The following CNTNAP2 variants were observed in gnomAD, a reference collection of about 807,000 sequenced individuals.
CNTNAP2 encodes contactin associated protein 2, also known as contactin-associated protein-like 2.
In CNTNAP2, 98 loss-of-function variants were observed where a neutral mutation model predicts 155.2. The observed-to-expected ratio is 0.63, with a 90% CI of 0.54 to 0.75. CNTNAP2 has a LOEUF of 0.75. CNTNAP2 is among the 30% of genes least tolerant of loss of function. CNTNAP2 has a pLI of 0.00. For missense variants in CNTNAP2, 1,727 were observed against 1,688.1 expected (o/e 1.02, Z -0.40); for synonymous variants, 651 against 631.2 (o/e 1.03, Z -0.47).
chr7:146,966,153 TC>T (rs1334326471), intron 3 of CNTNAP2, among the ~76,000 whole-genome samples: 1 of 152,232 alleles, frequency 6.6e-6, no homozygotes, highest in Non-Finnish European at 1.5e-5. Context: ...GTACGCAACT[TC>T]TACTTTAAGC....
At chr7:146,379,875 A>G (rs749979307) in intron 1 of CNTNAP2, among the ~76,000 whole-genome samples, 3 of 152,224 alleles carry the variant, frequency 2.0e-5, no homozygotes, top group African/African-American at 4.8e-5. Context: ...AGACACTTCC[A>G]TAACAGAATT....
At chr7:147,968,371 A>G (rs530802651) in intron 14 of CNTNAP2, among the ~76,000 whole-genome samples, 3 of 152,358 alleles carry the variant, frequency 2.0e-5, no homozygotes, top group African/African-American at 4.8e-5. Flanking sequence ...ATAGGCATGG[A>G]TTCTAAAGAT....
chr7:147,224,318 T>G (rs1803474675), intron 8 of CNTNAP2, among the ~76,000 whole-genome samples: 2 of 152,216 alleles, frequency 1.3e-5, no homozygotes, highest in African/African-American at 4.8e-5. Context: ...TTTAAATGAT[T>G]GAAAAATCAA....
chr7:147,977,832 A>G (rs1417707852), intron 14 of CNTNAP2, 30 bp from the exon 15 acceptor site: 9 of 1,613,860 alleles, frequency 5.6e-6, no homozygotes, highest in Admixed American at 3.3e-5. Flanking sequence ...CAGCCTCCTC[A>G]TTCTTTTTCT....
rs1454494708 is a variant in CNTNAP2, at chr7:148,377,933, G to A, written c.3476-5716G>A. Among the ~76,000 whole-genome samples, 3 of 68,454 alleles carry A rather than the reference G, an allele frequency of 4.4e-5. 1 individual carries two copies. In the East Asian group the frequency reaches 1.3e-3, roughly 29 times the overall value. The allele number at this position is 68,454 out of a possible 152,430, so 44.9% of individuals were successfully genotyped here. A position where few individuals can be genotyped will look rare whatever the true frequency, so the allele number is the denominator to read the frequency against. ...GTGTGTTAGATGACTTTACTGAACT[G>A]TAGACTAATGTAAGTGTTCTGAGTA... On this transcript the variant is annotated intron_variant, in intron 21 of 23. Coordinates refer to ENST00000361727, the MANE Select transcript of CNTNAP2 (RefSeq NM_014141.6).
intron 1 of CNTNAP2, among the ~76,000 whole-genome samples, chr7:146,559,594 TAAA>T (rs1215739219): frequency 6.6e-6 from 1 of 151,838 alleles, no homozygotes; most frequent in African/African-American, 2.4e-5. Flanking sequence ...AAAATAAAAA[TAAA>T]AAGAAACAGA....
chr7:147,877,349 C>G (rs1420894390), intron 13 of CNTNAP2, among the ~76,000 whole-genome samples: 1 of 152,140 alleles, frequency 6.6e-6, no homozygotes, highest in Non-Finnish European at 1.5e-5. Context: ...TGTGTAATAG[C>G]TGCTATGCCC....
intron 1 of CNTNAP2, among the ~76,000 whole-genome samples, chr7:146,172,224 A>T (rs1798405096): frequency 6.6e-6 from 1 of 152,032 alleles, no homozygotes; most frequent in African/African-American, 2.4e-5. Flanking sequence ...CAAGGCTGGG[A>T]TAGGATGCCT....
At chr7:146,453,566 T>C (rs1449366678) in intron 1 of CNTNAP2, among the ~76,000 whole-genome samples, 2 of 152,130 alleles carry the variant, frequency 1.3e-5, no homozygotes, top group African/African-American at 4.8e-5. Flanking sequence ...CAGGAAAATA[T>C]AACCTAGAAT....
intron 21 of CNTNAP2, among the ~76,000 whole-genome samples, chr7:148,279,092 G>T (rs1001217178): frequency 6.6e-6 from 1 of 152,234 alleles, no homozygotes; most frequent in African/African-American, 2.4e-5. Flanking sequence ...GACCATCATG[G>T]AGAGTCTGCA....
intron 13 of CNTNAP2, among the ~76,000 whole-genome samples, chr7:147,736,292 T>G (rs998098149): frequency 2.0e-5 from 3 of 152,164 alleles, no homozygotes; most frequent in South Asian, 2.1e-4. Flanking sequence ...GCTTAGTTTG[T>G]CTGGATGTGA....
At chr7:146,296,022 G>T (rs1215191891) in intron 1 of CNTNAP2, among the ~76,000 whole-genome samples, 2 of 152,094 alleles carry the variant, frequency 1.3e-5, no homozygotes, top group African/African-American at 4.8e-5. Context: ...GCTGTATTTT[G>T]ACCTACTTCC....
chr7:146,590,851 A>T (rs1335186257), intron 1 of CNTNAP2, among the ~76,000 whole-genome samples: 1 of 152,202 alleles, frequency 6.6e-6, no homozygotes, highest in Non-Finnish European at 1.5e-5. Flanking sequence ...TTAACAGCTG[A>T]TACAGGTATT....
At chr7:146,462,392 G>A (rs1796649695) in intron 1 of CNTNAP2, among the ~76,000 whole-genome samples, 1 of 152,026 alleles carries the variant, frequency 6.6e-6, no homozygotes, top group Admixed American at 6.6e-5. Flanking sequence ...GAAAACAGAT[G>A]ATCCTCTATT....
intron 21 of CNTNAP2, among the ~76,000 whole-genome samples, chr7:148,276,424 G>A (rs190736640): frequency 1.3e-3 from 204 of 152,322 alleles, no homozygotes; most frequent in Middle Eastern, 0.01. Flanking sequence ...ACCAAGGCAG[G>A]AGGAAGCCAG....
intron 15 of CNTNAP2, among the ~76,000 whole-genome samples, chr7:148,053,830 TAATG>T (rs1398958480): frequency 6.6e-6 from 1 of 152,180 alleles, no homozygotes; most frequent in African/African-American, 2.4e-5. Context: ...TCTTTTAAAA[TAATG>T]AAGGCTAAAA....
intron 8 of CNTNAP2, among the ~76,000 whole-genome samples, chr7:147,268,829 T>G (rs1277890051): frequency 6.6e-6 from 1 of 152,130 alleles, no homozygotes; most frequent in Non-Finnish European, 1.5e-5. Flanking sequence ...GAATCGAAAA[T>G]GAAAGATTTT....
At chr7:148,176,133 C>T (rs775442577) in intron 18 of CNTNAP2, among the ~76,000 whole-genome samples, 18 of 151,962 alleles carry the variant, frequency 1.2e-4, no homozygotes, top group African/African-American at 3.4e-4. Context: ...CTCACTATTC[C>T]GCACTAGTCA....
At chr7:146,117,433 A>G (rs1408711331) in intron 1 of CNTNAP2, 1 of 156,230 alleles carries the variant, frequency 6.4e-6, no homozygotes, top group Admixed American at 6.3e-5. Flanking sequence ...TTGGGCACCT[A>G]TAGGGTCTCT....
Sources: gnomAD v4.1 joint callset for allele counts (sites outside exome capture counted in the v4.1 genomes callset) on GRCh38, gnomAD v4.1.1 for gene constraint, MANE v1.5 for transcripts, NCBI Gene and HGNC (gene_info 2026-07-23, HGNC 2026-07-21) for gene names.